POC1B: variants seen among roughly 807,000 people sequenced by gnomAD.
POC1B encodes the protein POC1 centriolar protein homolog B.
Under a neutral mutation model 60.6 loss-of-function variants are expected in POC1B, and 44 were observed. The ratio of observed to expected loss-of-function variants is 0.73; its 90% CI spans 0.57 to 0.93. POC1B has a LOEUF of 0.93. Ranked by LOEUF, POC1B falls within the 40% of genes least tolerant of loss-of-function variation. POC1B has a pLI of 0.00. For synonymous variants in POC1B, 180 were observed against 198.9 expected, an observed-to-expected ratio of 0.90 and a Z score of 0.80; for missense variants, 555 against 572.3, an observed-to-expected ratio of 0.97 and a Z score of 0.31.
chr12:89,417,010 T>G (rs536773254), downstream of POC1B, among the ~76,000 whole-genome samples: 9 of 152,362 alleles, frequency 5.9e-5, no homozygotes, highest in East Asian at 7.7e-4. Context: ...ATAGTAGTTT[T>G]TAAGTATATT....
chr12:89,439,585 A>C (rs1881425561), intron 10 of POC1B, among the ~76,000 whole-genome samples: 1 of 152,034 alleles, frequency 6.6e-6, no homozygotes, highest in Admixed American at 6.6e-5. Context: ...TTTGAGTAGC[A>C]AAGTTTTATT....
rs553428980 is a variant in POC1B, at chr12:89,425,208, T to C, written c.1285A>G (p.Thr429Ala). The change falls in exon 11 of 12, where the codon ACT becomes GCT. Residue 429 changes from threonine (T) to alanine (A), a missense_variant. Coordinates refer to ENST00000313546, the MANE Select transcript of POC1B (RefSeq NM_172240.3). ...ESQRSIPLAV[T>A]DALEHIMEQL... The stretch of plus-strand genomic sequence containing the variant: ...TCCATAATATGCTCTAAAGCATCAG[T>C]CACAGCGAGAGGTATGCTCCTTTGA... 96 of 1,614,188 alleles carry C rather than the reference T, an allele frequency of 5.9e-5. No homozygotes were observed. The highest frequency in any genetic ancestry group is 4.0e-4 in the East Asian group (18 of 44,884).
At chr12:89,515,889 C>T (rs992954003) in intron 2 of POC1B, among the ~76,000 whole-genome samples, 5 of 152,152 alleles carry the variant, frequency 3.3e-5, no homozygotes, top group Non-Finnish European at 7.3e-5. Flanking sequence ...CAATTATAAT[C>T]CCCTTCATAC....
intron 10 of POC1B, among the ~76,000 whole-genome samples, chr12:89,434,076 T>C (rs1377063484): frequency 5.9e-5 from 9 of 152,370 alleles, no homozygotes; most frequent in East Asian, 5.8e-4. Flanking sequence ...TCAAGTCTGA[T>C]TGACTTAAAA....
intron 2 of POC1B, among the ~76,000 whole-genome samples, chr12:89,503,325 C>G (rs997889174): frequency 5.4e-5 from 7 of 130,580 alleles, no homozygotes; most frequent in African/African-American, 2.0e-4. Context: ...CTGTGTTGGC[C>G]GGGCTGGTCT....
At chr12:89,440,643 G>A (rs1285623310) in intron 10 of POC1B, among the ~76,000 whole-genome samples, 1 of 152,194 alleles carries the variant, frequency 6.6e-6, no homozygotes, top group African/African-American at 2.4e-5. Flanking sequence ...TACAGAATTA[G>A]AGGAGAGTAG....
intron 10 of POC1B, among the ~76,000 whole-genome samples, chr12:89,441,573 C>G (rs570863427): frequency 1.3e-5 from 2 of 152,260 alleles, no homozygotes; most frequent in Non-Finnish European, 2.9e-5. Flanking sequence ...AGAAGGAAAC[C>G]TAACAAACAG....
At chr12:89,486,328 C>T (rs1418341666) in intron 4 of POC1B, among the ~76,000 whole-genome samples, 1 of 151,846 alleles carries the variant, frequency 6.6e-6, no homozygotes, top group African/African-American at 2.4e-5. Flanking sequence ...TAAGCTTGGC[C>T]CAGGAGAAGC....
chr12:89,417,961 T>C (rs1418278370), downstream of POC1B, among the ~76,000 whole-genome samples: 2 of 152,196 alleles, frequency 1.3e-5, no homozygotes, highest in Non-Finnish European at 2.9e-5. Flanking sequence ...ATTCACACAA[T>C]ATACGCTGTG....
At chr12:89,422,076 ATAGAT>A (rs1880562790) in intron 11 of POC1B, among the ~76,000 whole-genome samples, 1 of 151,958 alleles carries the variant, frequency 6.6e-6, no homozygotes, top group Non-Finnish European at 1.5e-5. Context: ...AAAATGAAAC[ATAGAT>A]TATTCAGGAA....
At chr12:89,519,058 G>A (rs552076434) in intron 2 of POC1B, among the ~76,000 whole-genome samples, 3 of 152,224 alleles carry the variant, frequency 2.0e-5, no homozygotes, top group South Asian at 2.1e-4. Flanking sequence ...GAAATATGAG[G>A]ATATGTGGTT....
At chr12:89,441,152 G>A (rs1220842617) in intron 10 of POC1B, among the ~76,000 whole-genome samples, 3 of 152,228 alleles carry the variant, frequency 2.0e-5, no homozygotes, top group Non-Finnish European at 4.4e-5. Flanking sequence ...ACAGCTCAAG[G>A]AGGCCTGCCC....
chr12:89,485,359 G>T (rs1490271256), intron 4 of POC1B: 4 of 152,172 alleles, frequency 2.6e-5, no homozygotes, highest in Non-Finnish European at 5.9e-5. Context: ...AAGCCAAGAA[G>T]ATATATTATA....
At chr12:89,513,270 A>G (rs1216363843) in intron 2 of POC1B, among the ~76,000 whole-genome samples, 1 of 151,180 alleles carries the variant, frequency 6.6e-6, no homozygotes, top group Non-Finnish European at 1.5e-5. Context: ...AAAAAAAAGA[A>G]TTCTTGGCAA....
At chr12:89,447,873 A>G (rs1030819781) in intron 10 of POC1B, among the ~76,000 whole-genome samples, 2 of 152,148 alleles carry the variant, frequency 1.3e-5, no homozygotes, top group African/African-American at 2.4e-5. Context: ...ACTGTAACAC[A>G]TACAGCTCTA....
chr12:89,524,728 GGCCTCCGGC>G, intron 2 of POC1B: 1 of 677,920 alleles, frequency 1.5e-6, no homozygotes, highest in Non-Finnish European at 2.5e-6. Context: ...CTCGGTCCTC[GGCCTCCGGC>G]ACAGCCCAAC....
At chr12:89,408,809 C>T in the POC1B span, among the ~76,000 whole-genome samples, 2 of 152,094 alleles carry the variant, frequency 1.3e-5, no homozygotes, top group South Asian at 4.1e-4. Context: ...TTTTAATGAT[C>T]GCCATTCTAA....
intron 1 of POC1B, 161 bp from the exon 2 acceptor site, chr12:89,525,365 G>A (rs1331064458): frequency 7.0e-7 from 1 of 1,426,060 alleles, no homozygotes; most frequent in African/African-American, 1.5e-5. Flanking sequence ...CCACGGGCGC[G>A]GCGCCCAGTC....
chr12:89,501,242 T>A, intron 2 of POC1B: 1 of 1,248,754 alleles, frequency 8.0e-7, no homozygotes. Context: ...GATAAAACAG[T>A]ACTGGATACA....
Sources: allele counts gnomAD v4.1 joint callset (sites outside exome capture counted in the v4.1 genomes callset), GRCh38; gene constraint gnomAD v4.1.1; transcripts MANE v1.5; gene names NCBI Gene and HGNC (gene_info 2026-07-23, HGNC 2026-07-21).